Variants in LRIG3 observed in about 807,000 individuals in gnomAD.
LRIG3 encodes the protein leucine rich repeats and immunoglobulin like domains 3, also known as leucine-rich repeats and immunoglobulin-like domains protein 3.
LRIG3 carries 76 observed loss-of-function variants against 114.5 expected under a neutral mutation model. The observed-to-expected ratio is 0.66, with a 90% CI of 0.55 to 0.80. The LOEUF is 0.80. Among genes scored for constraint, LRIG3 ranks in the 30% least tolerant of loss-of-function variants. The pLI, the probability that LRIG3 is intolerant of heterozygous loss-of-function variation, is 0.00. For synonymous variants in LRIG3, 512 were observed against 519.8 expected (o/e 0.98, Z 0.20); for missense variants, 1,239 against 1,382.8 (o/e 0.90, Z 1.65).
In LRIG3 at chr12:58,912,620, A is replaced by G. The variant is rs1872327631; in HGVS notation, c.383+1362T>C. 3.3e-5 allele frequency among the ~76,000 whole-genome samples: 5 copies of G among 152,248 alleles called. No individual in the cohort carries two copies. The South Asian group carries it at 1.0e-3, about 31-fold the overall frequency. The stretch of plus-strand genomic sequence containing the variant: ...GCTTTCCCCATGCTGCCCAGATTAC[A>G]AAACTGCACTGCAGATCCTCTCAGC... On this transcript the variant is annotated intron_variant, in intron 3 of 18. Transcript: ENST00000320743.
intron 3 of LRIG3, among the ~76,000 whole-genome samples, chr12:58,893,020 T>C (rs1269296528): frequency 6.6e-6 from 1 of 152,172 alleles, no homozygotes; most frequent in Non-Finnish European, 1.5e-5. Context: ...CATTGAGCCA[T>C]CATCATGCCA....
At chr12:58,913,054 A>C (rs1389703278) in intron 3 of LRIG3, among the ~76,000 whole-genome samples, 1 of 152,182 alleles carries the variant, frequency 6.6e-6, no homozygotes, top group African/African-American at 2.4e-5. Context: ...AGTAAAAACA[A>C]ACCTCTATAA....
rs184171960 is a variant in LRIG3 at position 58,899,963 on chromosome 12, G to T, written c.384-9167C>A. Among the ~76,000 whole-genome samples the T allele has an allele frequency of 1.4e-4, 21 of 152,284 alleles. No individual in the cohort carries two copies. The East Asian group carries it at 3.7e-3, about 27-fold the overall frequency. Reference sequence around the variant, plus strand: ...ACAGGAAATAAACTGAGGGCTGGGGGTGTTGCCTTCAGTATTCATATTTGA... The same window carrying T: ...ACAGGAAATAAACTGAGGGCTGGGGTTGTTGCCTTCAGTATTCATATTTGA... On this transcript the variant is annotated intron_variant, in intron 3 of 18. Coordinates refer to ENST00000320743, the MANE Select transcript of LRIG3 (RefSeq NM_153377.5).
At chr12:58,877,045 C>T (rs779439649) in intron 15 of LRIG3, among the ~76,000 whole-genome samples, 7 of 152,160 alleles carry the variant, frequency 4.6e-5, no homozygotes, top group Non-Finnish European at 8.8e-5. Context: ...CATGCACATA[C>T]GCACAGACAA....
At chr12:58,876,689 T>C in intron 15 of LRIG3, 86 bp from the exon 16 acceptor site, 1 of 1,450,088 alleles carries the variant, frequency 6.9e-7, no homozygotes, top group Non-Finnish European at 9.5e-7. Flanking sequence ...TAGACTATTT[T>C]GGCTTCTGTA....
intron 3 of LRIG3, among the ~76,000 whole-genome samples, chr12:58,902,703 A>C: frequency 6.7e-6 from 1 of 148,940 alleles, no homozygotes; most frequent in African/African-American, 2.5e-5. Context: ...ATATCTCCTA[A>C]TGCTATCCCT....
intron 3 of LRIG3, among the ~76,000 whole-genome samples, chr12:58,901,107 T>C (rs1190292442): frequency 6.6e-6 from 1 of 152,192 alleles, no homozygotes; most frequent in Non-Finnish European, 1.5e-5. Flanking sequence ...AAAAGCAAGA[T>C]GAGAATTGAG....
rs769143070 is a variant in LRIG3 at position 58,872,643 on chromosome 12, TG to T, written c.3288del (p.His1096GlnfsTer9). Reference sequence around the variant, plus strand: ...TCTAAAGTCTGTTTAAAGGTACAAATGTGATTTTCTTCCTGAAAATCTGTCC... The same window carrying T: ...TCTAAAGTCTGTTTAAAGGTACAAATTGATTTTCTTCCTGAAAATCTGTCC... ...KERTDFQEENHICTFKQTLEN... is the reference protein window; with the variant it reads ...KERTDFQEENXICTFKQTLEN... On this transcript the variant is annotated frameshift_variant, in exon 19 of 19. Transcript: ENST00000320743. LOFTEE classifies it high-confidence loss of function. The T allele has an allele frequency of 6.2e-7, 1 of 1,614,154 alleles. No homozygotes were observed. Among genetic ancestry groups the T allele is most frequent in the Non-Finnish European group, 8.5e-7 (1 of 1,179,994 alleles).
intron 10 of LRIG3, among the ~76,000 whole-genome samples, 154 bp from the exon 11 acceptor site, chr12:58,883,745 T>G (rs1448721588): frequency 6.6e-6 from 1 of 152,218 alleles, no homozygotes; most frequent in Non-Finnish European, 1.5e-5. Flanking sequence ...AAGAATCCAC[T>G]GCAAAGCTTG....
rs1871346340 is a variant in LRIG3, at chr12:58,888,421, G to A, written c.855C>T (p.Gly285=). 1.9e-6 allele frequency: 3 copies of A among 1,613,922 alleles called. No homozygotes were observed. Among genetic ancestry groups the A allele is most frequent in the Non-Finnish European group, 2.5e-6 (3 of 1,179,872 alleles). Residue 285 remains glycine, a synonymous_variant, in exon 7 of 19, where the codon GGC becomes GGT. Transcript: ENST00000320743. Reference sequence around the variant, plus strand: ...GATGAAGTTCCTGCAGCATCAGCAAGCCGTAAAGCCAGCCTTTGGTAATCT... The same window carrying A: ...GATGAAGTTCCTGCAGCATCAGCAAACCGTAAAGCCAGCCTTTGGTAATCT... ...LTEITKGWLY[G]LLMLQELHLS... is the part of the protein sequence containing the mutation.
chr12:58,883,554 T>C lies in LRIG3; in HGVS notation c.1282A>G (p.Asn428Asp). Reference sequence around the variant, plus strand: ...AGTTTCTTCATTTGTGAAAATGCATTGCCTTGTAAAGACATGATTGCGTTG... The same window carrying C: ...AGTTTCTTCATTTGTGAAAATGCATCGCCTTGTAAAGACATGATTGCGTTG... ...SDNAIMSLQG[N>D]AFSQMKKLQQ... The change falls in exon 11 of 19, where the codon AAT (asparagine) becomes GAT (aspartate). Residue 428 changes from asparagine (N) to aspartate (D), a missense_variant. Transcript: ENST00000320743. 6.5e-7 allele frequency: 1 copy of C among 1,547,614 alleles called. No individual in the cohort carries two copies. Among genetic ancestry groups the C allele is most frequent in the Non-Finnish European group, 8.8e-7 (1 of 1,133,920 alleles).
chr12:58,919,550 G>C, intron 1 of LRIG3: 2 of 1,549,446 alleles, frequency 1.3e-6, no homozygotes, highest in Non-Finnish European at 8.7e-7. Context: ...CAGTTACTGG[G>C]TGGGAACAGG....
Position 58,886,809 on chromosome 12 carries a change from C to T in LRIG3, c.1172+1G>A. On this transcript the variant is annotated splice_donor_variant, in intron 9 of 18. Transcript: ENST00000320743. LOFTEE classifies it high-confidence loss of function. ...TAAATTATGAGGCAATTCATACTCACAGTCGCCTCAGTTTGTCAAGCCCAG... is the reference window on the plus strand; with the variant it reads ...TAAATTATGAGGCAATTCATACTCATAGTCGCCTCAGTTTGTCAAGCCCAG... 2.5e-6 allele frequency: 4 copies of T among 1,612,700 alleles called. No individual in the cohort carries two copies. Among genetic ancestry groups the T allele is most frequent in the Non-Finnish European group, 3.4e-6 (4 of 1,179,004 alleles).
intron 5 of LRIG3, 148 bp downstream of exon 5, chr12:58,889,848 T>C (rs1592300301): frequency 1.0e-6 from 1 of 985,736 alleles, no homozygotes; most frequent in Non-Finnish European, 1.5e-6. Context: ...TCTTTCCAAT[T>C]TGGAGATTCT....
chr12:58,877,625 T>TA lies in LRIG3; in HGVS notation c.2310dup (p.Asn771Ter). 1.9e-6 allele frequency: 3 copies of TA among 1,614,190 alleles called. No individual in the cohort carries two copies. The highest frequency in any genetic ancestry group is 2.5e-6 in the Non-Finnish European group (3 of 1,180,024). ...TTTCCTCTCTCAGTGCCAAGGGTGT[T>TA]AGACATCTCACATGTGTATTTCCCA... is the stretch of plus-strand genomic sequence containing the variant. On this transcript the variant is annotated frameshift_variant, in exon 15 of 19. Coordinates refer to ENST00000320743, the MANE Select transcript of LRIG3 (RefSeq NM_153377.5). LOFTEE classifies it high-confidence loss of function.
intron 15 of LRIG3, among the ~76,000 whole-genome samples, 162 bp from the exon 16 acceptor site, chr12:58,876,765 A>G (rs1870934283): frequency 1.3e-5 from 2 of 152,212 alleles, no homozygotes; most frequent in South Asian, 4.1e-4. Context: ...CTGGAACGGC[A>G]AATTAGGGCT....
intron 3 of LRIG3, among the ~76,000 whole-genome samples, chr12:58,905,533 C>A (rs966725411): frequency 4.6e-5 from 7 of 152,180 alleles, no homozygotes; most frequent in Non-Finnish European, 1.0e-4. Context: ...CAGTCCCCTG[C>A]TGTGGTTTTA....
chr12:58,876,541 T>C lies in LRIG3; in HGVS notation c.2599A>G (p.Arg867Gly), dbSNP rs1489027544. The C allele has an allele frequency of 2.5e-6, 4 of 1,614,208 alleles. No homozygotes were observed. The East Asian group carries it at 8.9e-5, about 36-fold the overall frequency. The change falls in exon 16 of 19, where the codon AGG becomes GGG. Residue 867 changes from arginine (R) to glycine (G), a missense_variant. Transcript: ENST00000320743. ...YLSSQGTLAD[R>G]QDGYVSSESG... is the part of the protein sequence containing the mutation. ...TCTGAAGACACGTACCCATCCTGCC[T>C]GTCAGCTAACGTTCCCTGAGATGAC...
intron 10 of LRIG3, among the ~76,000 whole-genome samples, chr12:58,884,260 T>A (rs1338875851): frequency 6.6e-6 from 1 of 152,220 alleles, no homozygotes; most frequent in East Asian, 1.9e-4. Flanking sequence ...AATGAGCACA[T>A]ATTCTGGATT....
Sources: gnomAD v4.1 joint callset for allele counts (sites outside exome capture counted in the v4.1 genomes callset) on GRCh38, gnomAD v4.1.1 for gene constraint, MANE v1.5 for transcripts, NCBI Gene and HGNC (gene_info 2026-07-23, HGNC 2026-07-21) for gene names.